GRIA4: variants seen among roughly 807,000 people sequenced by gnomAD.
The protein encoded by GRIA4 is glutamate ionotropic receptor AMPA type subunit 4, also known as glutamate receptor 4.
GRIA4 carries 34 observed loss-of-function variants against 104.0 expected under a neutral mutation model. That is an observed-to-expected ratio of 0.33 (90% CI 0.25 to 0.44). GRIA4 has a LOEUF of 0.44. GRIA4 is among the 20% of genes least tolerant of loss of function. GRIA4 has a pLI of 1.00. For synonymous variants in GRIA4, 386 were observed against 381.9 expected, an observed-to-expected ratio of 1.01 and a Z score of -0.13; for missense variants, 750 against 1,096.5, an observed-to-expected ratio of 0.68 and a Z score of 4.46.
At chr11:105,838,159 C>G (rs1046891350) in intron 4 of GRIA4, among the ~76,000 whole-genome samples, 1 of 152,100 alleles carries the variant, frequency 6.6e-6, no homozygotes, top group African/African-American at 2.4e-5. Flanking sequence ...GATAAAGTCA[C>G]CTAATCAAAT....
At chr11:105,773,273 C>T (rs1300553035) in intron 4 of GRIA4, among the ~76,000 whole-genome samples, 1 of 151,968 alleles carries the variant, frequency 6.6e-6, no homozygotes, top group Non-Finnish European at 1.5e-5. Flanking sequence ...CTAAAAGAAA[C>T]ATAGCAATGG....
intron 4 of GRIA4, among the ~76,000 whole-genome samples, chr11:105,834,331 A>G (rs765643664): frequency 3.3e-5 from 5 of 152,106 alleles, no homozygotes; most frequent in East Asian, 3.9e-4. Context: ...TAGAAACTCA[A>G]TGAAAAGCAT....
chr11:105,880,360 C>A (rs1347635712), intron 5 of GRIA4, among the ~76,000 whole-genome samples: 28 of 152,180 alleles, frequency 1.8e-4, no homozygotes, highest in Admixed American at 1.8e-3. Flanking sequence ...TCTACAAGTG[C>A]TTTTCAATAG....
chr11:105,842,229 G>A (rs1329042619), intron 4 of GRIA4, among the ~76,000 whole-genome samples: 1 of 152,144 alleles, frequency 6.6e-6, no homozygotes, highest in Non-Finnish European at 1.5e-5. Context: ...AAGGACAGGC[G>A]AAGGGTGTCC....
At chr11:105,758,608 T>C (rs566909217) in intron 4 of GRIA4, among the ~76,000 whole-genome samples, 22 of 152,146 alleles carry the variant, frequency 1.4e-4, no homozygotes, top group Non-Finnish European at 1.0e-4. Flanking sequence ...CTCAAAGAAT[T>C]TTCCCTTTTA....
intron 1 of GRIA4, 38 bp from the exon 2 acceptor site, chr11:105,610,870 C>CT (rs55973528): frequency 4.4e-4 from 158 of 357,272 alleles, no homozygotes; most frequent in African/African-American, 2.0e-3. Flanking sequence ...TCTTTCTTTT[C>CT]TTTTTTTTTT....
chr11:105,693,772 C>A (rs773745924), intron 3 of GRIA4, among the ~76,000 whole-genome samples: 1 of 152,102 alleles, frequency 6.6e-6, no homozygotes, highest in African/African-American at 2.4e-5. Flanking sequence ...ATCTACAGCA[C>A]AGAGATCAGA....
At chr11:105,856,896 T>TA (rs1945026892) in intron 4 of GRIA4, among the ~76,000 whole-genome samples, 1 of 152,172 alleles carries the variant, frequency 6.6e-6, no homozygotes, top group Non-Finnish European at 1.5e-5. Flanking sequence ...TCTCTACTTT[T>TA]ACTCTTGAGT....
At chr11:105,755,520 G>T (rs1309437753) in intron 4 of GRIA4, among the ~76,000 whole-genome samples, 2 of 152,150 alleles carry the variant, frequency 1.3e-5, no homozygotes, top group Non-Finnish European at 2.9e-5. Flanking sequence ...TAAGCAACAT[G>T]ATTTCAGGCT....
chr11:105,844,385 C>T (rs1212410771), intron 4 of GRIA4, among the ~76,000 whole-genome samples: 1 of 152,146 alleles, frequency 6.6e-6, no homozygotes, highest in African/African-American at 2.4e-5. Flanking sequence ...TTTCAAGGAC[C>T]TCTTCAAATG....
intron 3 of GRIA4, among the ~76,000 whole-genome samples, chr11:105,727,980 A>G (rs1313769101): frequency 6.6e-6 from 1 of 152,206 alleles, no homozygotes; most frequent in East Asian, 1.9e-4. Context: ...AATGGGCAAA[A>G]TAACGAGCTA....
At chr11:105,718,119 C>T (rs191811320) in intron 3 of GRIA4, among the ~76,000 whole-genome samples, 16 of 152,180 alleles carry the variant, frequency 1.1e-4, no homozygotes, top group African/African-American at 3.9e-4. Flanking sequence ...TTTACTATGG[C>T]TCACCTCAAA....
intron 1 of GRIA4, chr11:105,610,661 G>A (rs945787772): frequency 7.5e-6 from 2 of 267,360 alleles, no homozygotes; most frequent in Non-Finnish European, 7.2e-6. Context: ...CAAAGATAGA[G>A]CGCATGTCTC....
At chr11:105,631,973 A>T (rs1004492978) in intron 3 of GRIA4, among the ~76,000 whole-genome samples, 1 of 152,198 alleles carries the variant, frequency 6.6e-6, no homozygotes. Flanking sequence ...AAAAGGGATG[A>T]GGTGGCACAG....
At chr11:105,793,821 C>A (rs1031245069) in intron 4 of GRIA4, among the ~76,000 whole-genome samples, 1 of 152,114 alleles carries the variant, frequency 6.6e-6, no homozygotes, top group Admixed American at 6.6e-5. Context: ...TATACACAGG[C>A]AGAGAATGTC....
At chr11:105,732,602 T>TG (rs1938669884) in intron 3 of GRIA4, among the ~76,000 whole-genome samples, 2 of 152,166 alleles carry the variant, frequency 1.3e-5, no homozygotes, top group African/African-American at 4.8e-5. Flanking sequence ...TACCACTTTG[T>TG]GGGGTCACTC....
At chr11:105,824,187 G>C (rs1278342300) in intron 4 of GRIA4, among the ~76,000 whole-genome samples, 1 of 152,016 alleles carries the variant, frequency 6.6e-6, no homozygotes, top group Non-Finnish European at 1.5e-5. Context: ...CAATACAGTA[G>C]GCATATAGTT....
chr11:105,690,905 G>A (rs930386011), intron 3 of GRIA4, among the ~76,000 whole-genome samples: 2 of 152,082 alleles, frequency 1.3e-5, no homozygotes, highest in African/African-American at 4.8e-5. Flanking sequence ...GAGTTAATTG[G>A]CCAATCTTTT....
chr11:105,917,815 G>GGTGTGTGTGTGTGTGTGTGT, intron 10 of GRIA4, among the ~76,000 whole-genome samples: 1 of 142,780 alleles, frequency 7.0e-6, no homozygotes, highest in African/African-American at 2.6e-5. Context: ...TTGGTTTAAG[G>GGTGTGTGTGTGTGTGTGTGT]GTGTGTGTGT....
Sources: gnomAD v4.1 joint callset for allele counts (sites outside exome capture counted in the v4.1 genomes callset) on GRCh38, gnomAD v4.1.1 for gene constraint, MANE v1.5 for transcripts, NCBI Gene and HGNC (gene_info 2026-07-23, HGNC 2026-07-21) for gene names.